PAXBP1: variants seen among roughly 807,000 people sequenced by gnomAD.
PAXBP1 encodes PAX3- and PAX7-binding protein 1.
In PAXBP1, 44 loss-of-function variants were observed where a neutral mutation model predicts 119.9. The ratio of observed to expected loss-of-function variants is 0.37; its 90% CI spans 0.29 to 0.47. The LOEUF (loss-of-function observed/expected upper bound fraction) is 0.47, where lower values mean the gene tolerates loss of function less well. PAXBP1 is among the 20% of genes least tolerant of loss of function. PAXBP1 has a pLI of 0.99. For synonymous variants in PAXBP1, 393 were observed against 406.6 expected (o/e 0.97, Z 0.40); for missense variants, 898 against 1,134.1 (o/e 0.79, Z 2.99).
chr21:32,748,761 A>G, intron 10 of PAXBP1, 63 bp from the exon 11 acceptor site: 2 of 1,422,786 alleles, frequency 1.4e-6, no homozygotes, highest in South Asian at 2.6e-5. Context: ...AAAACAGTCC[A>G]ATATTTTCAG....
intron 7 of PAXBP1, chr21:32,755,557 T>G: frequency 2.2e-6 from 1 of 451,818 alleles, no homozygotes; most frequent in Non-Finnish European, 3.8e-6. Context: ...AGAGCTATAA[T>G]GTCCAGTGCC....
At chr21:32,738,901 T>C (rs1468365852) in intron 15 of PAXBP1, among the ~76,000 whole-genome samples, 4 of 152,228 alleles carry the variant, frequency 2.6e-5, no homozygotes, top group South Asian at 2.1e-4. Context: ...GGTAACACTA[T>C]TCAACCAGCT....
intron 10 of PAXBP1, among the ~76,000 whole-genome samples, chr21:32,749,842 C>A (rs1314838380): frequency 6.6e-6 from 1 of 152,056 alleles, no homozygotes; most frequent in Admixed American, 6.6e-5. Flanking sequence ...CTGGTCTCTT[C>A]AAAAATTTAA....
intron 2 of PAXBP1, among the ~76,000 whole-genome samples, chr21:32,769,368 ACTAATATT>A (rs2044296278): frequency 1.3e-5 from 2 of 152,112 alleles, no homozygotes; most frequent in African/African-American, 4.8e-5. Flanking sequence ...TGGGAGTAAT[ACTAATATT>A]AAATTTAGGG....
intron 15 of PAXBP1, among the ~76,000 whole-genome samples, chr21:32,739,938 TA>T (rs756477858): frequency 0.01 from 474 of 47,018 alleles, 5 homozygotes; most frequent in African/African-American, 0.036. Flanking sequence ...CTCGTCTCTT[TA>T]AAAAAAAAAA....
chr21:32,745,993 C>A (rs1234895356), intron 11 of PAXBP1, among the ~76,000 whole-genome samples: 1 of 152,122 alleles, frequency 6.6e-6, no homozygotes, highest in African/African-American at 2.4e-5. Flanking sequence ...CTCCGACAAA[C>A]CTGACACGAA....
chr21:32,759,733 C>T (rs762134615), intron 6 of PAXBP1, 44 bp downstream of exon 6: 1 of 1,520,978 alleles, frequency 6.6e-7, no homozygotes, highest in Non-Finnish European at 9.1e-7. Context: ...CCTGAGGGAA[C>T]AGAAAGCTAG....
intron 8 of PAXBP1, among the ~76,000 whole-genome samples, chr21:32,753,704 T>C (rs567094977): frequency 5.6e-4 from 85 of 152,358 alleles, no homozygotes; most frequent in Non-Finnish European, 1.0e-3. Context: ...AATTAATGTA[T>C]ACTCCCTCTA....
At chr21:32,771,181 G>T in intron 1 of PAXBP1, 145 bp downstream of exon 1, 1 of 790,256 alleles carries the variant, frequency 1.3e-6, no homozygotes, top group South Asian at 2.1e-5. Flanking sequence ...AAGGCCGGAG[G>T]CTGGGGAAGA....
At chr21:32,739,496 T>C (rs923827693) in intron 15 of PAXBP1, among the ~76,000 whole-genome samples, 6 of 152,188 alleles carry the variant, frequency 3.9e-5, no homozygotes, top group African/African-American at 1.4e-4. Flanking sequence ...TAAGTACTAG[T>C]TCCCATAAAA....
chr21:32,749,438 G>C (rs575938780), intron 10 of PAXBP1, among the ~76,000 whole-genome samples: 2 of 151,826 alleles, frequency 1.3e-5, no homozygotes, highest in Non-Finnish European at 2.9e-5. Flanking sequence ...CAAGTGGTCC[G>C]CTGCCTCGGC....
At chr21:32,760,034 A>C (rs1569164644) in intron 5 of PAXBP1, 40 bp from the exon 6 acceptor site, 2 of 1,499,312 alleles carry the variant, frequency 1.3e-6, no homozygotes, top group African/African-American at 2.8e-5. Flanking sequence ...CTGGTAGTTA[A>C]AACTTTGAAA....
chr21:32,771,695 A>G lies in PAXBP1; in HGVS notation c.-27T>C. ...CCCGCGGCCCGCACGGCGGTCGAAT[A>G]CTCGCTTCCACACCGCGGCCCCGGC... On this transcript the variant is annotated 5_prime_UTR_variant, in exon 1 of 18. Coordinates refer to ENST00000331923, the MANE Select transcript of PAXBP1 (RefSeq NM_016631.4). 1.5e-6 allele frequency: 2 copies of G among 1,370,376 alleles called. No individual in the cohort carries two copies. Among genetic ancestry groups the G allele is most frequent in the Non-Finnish European group, 1.9e-6 (2 of 1,064,738 alleles). 84.9% of individuals were successfully genotyped at this position (1,370,376 alleles called of 1,614,324 possible). A position where few individuals can be genotyped will look rare whatever the true frequency, so the allele number is the denominator to read the frequency against.
At chr21:32,744,646 G>A (rs1227916959) in intron 13 of PAXBP1, 146 bp downstream of exon 13, 9 of 746,168 alleles carry the variant, frequency 1.2e-5, no homozygotes, top group African/African-American at 1.8e-5. Flanking sequence ...CAAATTTTGT[G>A]TATTTCAGGC....
intron 2 of PAXBP1, among the ~76,000 whole-genome samples, chr21:32,766,987 C>T (rs1233277652): frequency 6.6e-6 from 1 of 152,098 alleles, no homozygotes; most frequent in Non-Finnish European, 1.5e-5. Context: ...TGGTAAATCC[C>T]TTCCTCTACA....
At chr21:32,768,097 C>T (rs1484391140) in intron 2 of PAXBP1, among the ~76,000 whole-genome samples, 1 of 152,156 alleles carries the variant, frequency 6.6e-6, no homozygotes, top group Non-Finnish European at 1.5e-5. Context: ...GCCATTGTAA[C>T]GTTATTAACA....
In PAXBP1 at chr21:32,759,108, T is replaced by C; in HGVS notation, c.1355A>G (p.Gln452Arg). Residue 452 changes from glutamine (Q) to arginine (R), a missense_variant, in exon 7 of 18, where the codon CAA becomes CGA. Around this residue, in one of 2 missense-constraint regions of PAXBP1, gnomAD observed 599 missense variants for 852.7 expected, o/e 0.70. Transcript: ENST00000331923. Reference sequence around the variant, plus strand: ...TTCACTGAAACACTCAAGCAAGTCTTGGACATACCCTCGCATTTCTTGCAA... The same window carrying C: ...TTCACTGAAACACTCAAGCAAGTCTCGGACATACCCTCGCATTTCTTGCAA... ...KFLQEMRGYVQDLLECFSEKV... is the reference protein window; with the variant it reads ...KFLQEMRGYVRDLLECFSEKV... 6.2e-7 allele frequency: 1 copy of C among 1,613,970 alleles called. No individual in the cohort carries two copies. Among genetic ancestry groups the C allele is most frequent in the Non-Finnish European group, 8.5e-7 (1 of 1,179,854 alleles).
chr21:32,765,837 C>T (rs1255802270), intron 2 of PAXBP1, among the ~76,000 whole-genome samples: 1 of 152,072 alleles, frequency 6.6e-6, no homozygotes, highest in African/African-American at 2.4e-5. Context: ...TACCTATTTC[C>T]TTTTGCTCTA....
At chr21:32,764,971 T>C (rs2044216799) in intron 2 of PAXBP1, among the ~76,000 whole-genome samples, 1 of 152,194 alleles carries the variant, frequency 6.6e-6, no homozygotes, top group African/African-American at 2.4e-5. Flanking sequence ...ACAAAGCACA[T>C]TTACAGTCCA....
Sources: allele counts gnomAD v4.1 joint callset (sites outside exome capture counted in the v4.1 genomes callset), GRCh38; gene constraint gnomAD v4.1.1; regional missense constraint gnomAD v4.1.1; transcripts MANE v1.5; gene names NCBI Gene and HGNC (gene_info 2026-07-23, HGNC 2026-07-21).